GRM1: variants seen among roughly 807,000 people sequenced by gnomAD.
GRM1 encodes glutamate metabotropic receptor 1.
Under a neutral mutation model 90.9 loss-of-function variants are expected in GRM1, and 33 were observed. That is an observed-to-expected ratio of 0.36 (90% CI 0.28 to 0.49). GRM1 has a LOEUF of 0.49. Among genes scored for constraint, GRM1 ranks in the 20% least tolerant of loss-of-function variants. The pLI, the probability that GRM1 is intolerant of heterozygous loss-of-function variation, is 0.99. For synonymous variants in GRM1, 700 were observed against 613.2 expected (o/e 1.14, Z -2.09); for missense variants, 1,190 against 1,534.3 (o/e 0.78, Z 3.75).
intron 7 of GRM1, among the ~76,000 whole-genome samples, chr6:146,427,318 C>G (rs1778245822): frequency 6.6e-6 from 1 of 152,112 alleles, no homozygotes; most frequent in African/African-American, 2.4e-5. Context: ...TTGACAGTGT[C>G]TTTTTAAGTT....
At chr6:146,249,266 A>C (rs543310579) in intron 2 of GRM1, among the ~76,000 whole-genome samples, 2 of 152,284 alleles carry the variant, frequency 1.3e-5, no homozygotes, top group Admixed American at 6.5e-5. Context: ...AATGGGGAAA[A>C]TGTCTCCAGG....
At chr6:146,204,611 A>T (rs1244361187) in intron 2 of GRM1, among the ~76,000 whole-genome samples, 1 of 152,228 alleles carries the variant, frequency 6.6e-6, no homozygotes, top group African/African-American at 2.4e-5. Flanking sequence ...ATTTTTAAAT[A>T]AATTTCTTGA....
At chr6:146,304,572 G>A (rs1783509543) in intron 2 of GRM1, 39 bp from the exon 3 acceptor site, 1 of 1,326,532 alleles carries the variant, frequency 7.5e-7, no homozygotes. Flanking sequence ...TGAGATGTTT[G>A]TCTTTCTCTC....
chr6:146,214,470 T>G (rs573482055), intron 2 of GRM1, among the ~76,000 whole-genome samples: 1 of 152,306 alleles, frequency 6.6e-6, no homozygotes, highest in Non-Finnish European at 1.5e-5. Context: ...GGTGGTAGCC[T>G]TAAGATAGAA....
intron 6 of GRM1, among the ~76,000 whole-genome samples, chr6:146,390,649 G>A (rs762577322): frequency 1.1e-4 from 16 of 147,074 alleles, no homozygotes; most frequent in African/African-American, 1.8e-4. Context: ...TTTCCATTCC[G>A]ACAGTTGTTG....
In GRM1 at chr6:146,102,884, A is replaced by G. The variant is rs192089327; in HGVS notation, c.701-56464A>G. Among the ~76,000 whole-genome samples, 401 of 152,272 alleles carry G rather than the reference A, an allele frequency of 2.6e-3. 4 individuals are homozygous for G. Among genetic ancestry groups the G allele is most frequent in the African/African-American group, 9.4e-3 (391 of 41,556 alleles). ...TTGGAACTTAGTTGAGATTTTTGCA[A>G]TTTCTTTTTCAATGTTCACAAAAGT... On this transcript the variant is annotated intron_variant, in intron 1 of 7. Coordinates refer to ENST00000282753, the MANE Select transcript of GRM1 (RefSeq NM_001278064.2).
intron 1 of GRM1, among the ~76,000 whole-genome samples, chr6:146,088,128 A>G (rs1306305720): frequency 4.6e-5 from 7 of 152,070 alleles, no homozygotes; most frequent in Admixed American, 4.6e-4. Flanking sequence ...TATTTTAACT[A>G]TTCTGATATG....
At chr6:146,394,261 T>A (rs901603626) in intron 6 of GRM1, among the ~76,000 whole-genome samples, 3 of 152,170 alleles carry the variant, frequency 2.0e-5, no homozygotes, top group African/African-American at 7.2e-5. Context: ...TTAATATAAC[T>A]AAATTATTGA....
chr6:146,304,369 T>C (rs1783500015), intron 2 of GRM1, among the ~76,000 whole-genome samples: 1 of 152,194 alleles, frequency 6.6e-6, no homozygotes, highest in Non-Finnish European at 1.5e-5. Context: ...CGAACTTTAA[T>C]TGTAAGTGTT....
chr6:146,153,917 T>G (rs1233629626), intron 1 of GRM1, among the ~76,000 whole-genome samples: 1 of 152,230 alleles, frequency 6.6e-6, no homozygotes, highest in Non-Finnish European at 1.5e-5. Context: ...CATGTTTAAT[T>G]GCTTTTTGCT....
chr6:146,434,739 C>T lies in GRM1; in HGVS notation c.3528C>T (p.Asn1176=), dbSNP rs745791663. 12 of 1,600,628 alleles carry T rather than the reference C, an allele frequency of 7.5e-6. No individual in the cohort carries two copies. The South Asian group carries it at 9.9e-5, about 13-fold the overall frequency. ...AGTCGGTGCTCTGCACCCCTCCCAA[C>T]GTATCCTACGCCTCTGTCATTCTGC... ...VSESVLCTPP[N]VSYASVILRD... is the part of the protein sequence containing the mutation. Residue 1176 remains asparagine, a synonymous_variant, in exon 8 of 8, where the codon AAC becomes AAT. Coordinates refer to ENST00000282753, the MANE Select transcript of GRM1 (RefSeq NM_001278064.2).
At chr6:146,045,435 A>AT (rs1247772703) in intron 1 of GRM1, among the ~76,000 whole-genome samples, 2 of 151,974 alleles carry the variant, frequency 1.3e-5, no homozygotes, top group African/African-American at 2.4e-5. Flanking sequence ...ATTCACTGAT[A>AT]TTTTTTCAGC....
intron 3 of GRM1, among the ~76,000 whole-genome samples, chr6:146,347,641 T>A (rs111562259): frequency 2.0e-4 from 30 of 152,096 alleles, no homozygotes; most frequent in African/African-American, 7.2e-4. Flanking sequence ...ATAAAAAAAA[T>A]TGCTGGGATA....
chr6:146,086,121 C>T lies in GRM1; in HGVS notation c.700+55904C>T, dbSNP rs556081121. On this transcript the variant is annotated intron_variant, in intron 1 of 7. Coordinates refer to ENST00000282753, the MANE Select transcript of GRM1 (RefSeq NM_001278064.2). ...TATTATTAGATTTGAAAGGAGCCCA[C>T]ACATAATAACTCTGTACCTCTTTCT... Among the ~76,000 whole-genome samples the T allele has an allele frequency of 2.6e-5, 4 of 152,212 alleles. No homozygotes were observed. In the South Asian group the frequency reaches 8.3e-4, roughly 32 times the overall value.
chr6:146,126,346 T>G (rs1396240381), intron 1 of GRM1, among the ~76,000 whole-genome samples: 1 of 152,120 alleles, frequency 6.6e-6, no homozygotes, highest in Non-Finnish European at 1.5e-5. Context: ...CACCAAGAGA[T>G]ATTTACTACA....
intron 1 of GRM1, among the ~76,000 whole-genome samples, chr6:146,097,536 C>T (rs550523311): frequency 1.6e-4 from 25 of 152,162 alleles, no homozygotes; most frequent in African/African-American, 3.6e-4. Context: ...TTCTGTCTCA[C>T]GTTATAGCCA....
At chr6:146,086,964 A>T (rs1013622751) in intron 1 of GRM1, among the ~76,000 whole-genome samples, 1 of 152,084 alleles carries the variant, frequency 6.6e-6, no homozygotes, top group Non-Finnish European at 1.5e-5. Context: ...CTAAGTGCAG[A>T]TTTCCCCCCT....
At chr6:146,178,546 A>T (rs970571241) in intron 2 of GRM1, among the ~76,000 whole-genome samples, 7 of 152,212 alleles carry the variant, frequency 4.6e-5, no homozygotes, top group African/African-American at 1.7e-4. Context: ...ATTTTTAATA[A>T]TTTTGTGCAT....
rs76190671 is a variant in GRM1 at position 146,431,812 on chromosome 6, G to A, written c.2661-2060G>A. Among the ~76,000 whole-genome samples the A allele has an allele frequency of 2.7e-3, 405 of 152,228 alleles. 2 individuals are homozygous for A. The highest frequency in any genetic ancestry group is 9.4e-3 in the African/African-American group (391 of 41,528). On this transcript the variant is annotated intron_variant, in intron 7 of 7. Coordinates refer to ENST00000282753, the MANE Select transcript of GRM1 (RefSeq NM_001278064.2). ...AAGGCATACTTAAGGAGGGTAAGAG[G>A]CAAATAAGTTTTATATTTGCCTTTC...
Sources: allele counts gnomAD v4.1 joint callset (sites outside exome capture counted in the v4.1 genomes callset), GRCh38; gene constraint gnomAD v4.1.1; transcripts MANE v1.5; gene names NCBI Gene and HGNC (gene_info 2026-07-23, HGNC 2026-07-21).